Variants in PTPRD observed in about 807,000 individuals in gnomAD.
The protein encoded by PTPRD is protein tyrosine phosphatase receptor type D.
PTPRD carries 34 observed loss-of-function variants against 214.5 expected under a neutral mutation model. The ratio of observed to expected loss-of-function variants is 0.16; its 90% CI spans 0.12 to 0.21. PTPRD has a LOEUF of 0.21. Ranked by LOEUF, PTPRD falls within the 10% of genes least tolerant of loss-of-function variation. The probability of loss-of-function intolerance (pLI) is 1.00; values close to 1 mark genes in which losing one functional copy is unlikely to be tolerated. For missense variants in PTPRD, 2,545 were observed against 2,398.7 expected (o/e 1.06, Z -1.27); for synonymous variants, 1,128 against 845.7 (o/e 1.33, Z -5.79).
intron 2 of PTPRD, among the ~76,000 whole-genome samples, chr9:10,368,178 G>A (rs1162172853): frequency 6.6e-6 from 1 of 152,044 alleles, no homozygotes; most frequent in Non-Finnish European, 1.5e-5. Flanking sequence ...AGACAAAAAT[G>A]ATGAGTTTTC....
At chr9:9,789,633 T>C (rs1224932156) in intron 5 of PTPRD, among the ~76,000 whole-genome samples, 1 of 151,382 alleles carries the variant, frequency 6.6e-6, no homozygotes, top group African/African-American at 2.4e-5. Context: ...CCGTCCCTAC[T>C]AAAAATACAA....
intron 5 of PTPRD, among the ~76,000 whole-genome samples, chr9:9,826,902 A>T (rs968405400): frequency 3.9e-5 from 6 of 152,122 alleles, no homozygotes; most frequent in South Asian, 2.1e-4. Flanking sequence ...TCACATTCAC[A>T]ATTACTTCAA....
intron 3 of PTPRD, among the ~76,000 whole-genome samples, chr9:10,056,285 C>A (rs2097646569): frequency 6.7e-6 from 1 of 149,408 alleles, no homozygotes; most frequent in African/African-American, 2.5e-5. Flanking sequence ...CACGCCACTG[C>A]ATTCCAACCT....
chr9:8,667,851 C>A (rs1054326189), intron 12 of PTPRD, among the ~76,000 whole-genome samples: 1 of 151,972 alleles, frequency 6.6e-6, no homozygotes, highest in African/African-American at 2.4e-5. Context: ...ATCATAATTA[C>A]CCTGATTCTA....
chr9:8,695,669 A>C (rs1467437897), intron 12 of PTPRD, among the ~76,000 whole-genome samples: 1 of 152,214 alleles, frequency 6.6e-6, no homozygotes. Context: ...CAAAGCTACT[A>C]TAGCTGAACT....
chr9:8,845,492 C>A (rs1056575372), intron 11 of PTPRD, among the ~76,000 whole-genome samples: 3 of 152,218 alleles, frequency 2.0e-5, no homozygotes, highest in Admixed American at 2.0e-4. Context: ...ATAGGAAATA[C>A]AAGCCATCAA....
In PTPRD at chr9:8,384,039, A is replaced by G. The variant is rs556700353; in HGVS notation, c.4386+5193T>C. On this transcript the variant is annotated intron_variant, in intron 37 of 45. Transcript: ENST00000381196. ...GTCAAGAGAAGATAGATGAAGGGAA[A>G]AAGGTGAACACTCACACACTAAATA... Among the ~76,000 whole-genome samples the G allele has an allele frequency of 1.4e-4, 21 of 152,352 alleles. 1 individual carries two copies. The South Asian group carries it at 2.1e-3, about 15-fold the overall frequency.
intron 7 of PTPRD, among the ~76,000 whole-genome samples, chr9:9,728,812 A>G (rs2098136132): frequency 6.6e-6 from 1 of 152,154 alleles, no homozygotes. Flanking sequence ...GACCATTTTG[A>G]GTGTAGATAT....
intron 9 of PTPRD, among the ~76,000 whole-genome samples, chr9:9,382,192 G>C (rs2062518506): frequency 6.6e-6 from 1 of 151,666 alleles, no homozygotes; most frequent in Non-Finnish European, 1.5e-5. Context: ...TTCATTCTTA[G>C]TTTATAGAAA....
At chr9:9,777,982 G>C (rs957168572) in intron 5 of PTPRD, among the ~76,000 whole-genome samples, 1 of 152,164 alleles carries the variant, frequency 6.6e-6, no homozygotes, top group African/African-American at 2.4e-5. Flanking sequence ...GATATTCCAA[G>C]AATAGGACTA....
intron 3 of PTPRD, among the ~76,000 whole-genome samples, chr9:10,263,258 A>C (rs1425221380): frequency 6.6e-6 from 1 of 152,204 alleles, no homozygotes; most frequent in Non-Finnish European, 1.5e-5. Flanking sequence ...TTTGGAACTG[A>C]GTAACAGGCA....
intron 5 of PTPRD, among the ~76,000 whole-genome samples, chr9:9,853,637 C>T (rs917595199): frequency 1.3e-5 from 2 of 152,168 alleles, no homozygotes; most frequent in South Asian, 2.1e-4. Context: ...CAACCTCTCC[C>T]TCCCAGGTTC....
chr9:9,817,680 C>G (rs148845340), intron 5 of PTPRD, among the ~76,000 whole-genome samples: 1 of 152,046 alleles, frequency 6.6e-6, no homozygotes, highest in Non-Finnish European at 1.5e-5. Flanking sequence ...ATAAAACAAA[C>G]GGGCTAAGGG....
chr9:9,404,262 C>T (rs573488809), intron 8 of PTPRD, among the ~76,000 whole-genome samples: 1 of 152,006 alleles, frequency 6.6e-6, no homozygotes, highest in Non-Finnish European at 1.5e-5. Context: ...ATGCCTCCGG[C>T]TACTCTGTAG....
chr9:9,369,068 A>C (rs1044440473), intron 9 of PTPRD, among the ~76,000 whole-genome samples: 1 of 152,062 alleles, frequency 6.6e-6, no homozygotes, highest in African/African-American at 2.4e-5. Context: ...AGCTTCATCC[A>C]TGTCCCTACA....
At chr9:9,996,894 T>C (rs1050081234) in intron 4 of PTPRD, among the ~76,000 whole-genome samples, 1 of 152,192 alleles carries the variant, frequency 6.6e-6, no homozygotes, top group Non-Finnish European at 1.5e-5. Context: ...TTGGCATATT[T>C]ATATTAGATT....
chr9:8,651,674 C>T (rs1427699908), intron 12 of PTPRD, among the ~76,000 whole-genome samples: 1 of 152,100 alleles, frequency 6.6e-6, no homozygotes, highest in Non-Finnish European at 1.5e-5. Flanking sequence ...AACTGAAACA[C>T]ATACACACTA....
intron 12 of PTPRD, among the ~76,000 whole-genome samples, chr9:8,639,635 C>A (rs2096530235): frequency 6.6e-6 from 1 of 152,178 alleles, no homozygotes; most frequent in Admixed American, 6.5e-5. Flanking sequence ...GATACCGTTG[C>A]ATTTCTTAAC....
At chr9:9,826,222 C>T (rs1274762526) in intron 5 of PTPRD, among the ~76,000 whole-genome samples, 1 of 151,684 alleles carries the variant, frequency 6.6e-6, no homozygotes, top group African/African-American at 2.4e-5. Context: ...AGTGCTTCAT[C>T]CATCAGGTAT....
Sources: allele counts gnomAD v4.1 joint callset (sites outside exome capture counted in the v4.1 genomes callset), GRCh38; gene constraint gnomAD v4.1.1; transcripts MANE v1.5; gene names NCBI Gene and HGNC (gene_info 2026-07-23, HGNC 2026-07-21).